Variants in TENM2 observed in about 807,000 individuals in gnomAD.
The protein encoded by TENM2 is teneurin-2.
Under a neutral mutation model 245.2 loss-of-function variants are expected in TENM2, and 52 were observed. That is an observed-to-expected ratio of 0.21 (90% confidence interval 0.17 to 0.27). TENM2 has a LOEUF of 0.27. Among genes scored for constraint, TENM2 ranks in the 10% least tolerant of loss-of-function variants. The pLI, the probability that TENM2 is intolerant of heterozygous loss-of-function variation, is 1.00. For synonymous variants in TENM2, 1,363 were observed against 1,438.9 expected (o/e 0.95, Z 1.19); for missense variants, 3,046 against 3,666.8 (o/e 0.83, Z 4.37).
intron 2 of TENM2, among the ~76,000 whole-genome samples, chr5:167,581,642 TTATCTA>T (rs1278959396): frequency 1.3e-5 from 2 of 152,168 alleles, no homozygotes; most frequent in Non-Finnish European, 2.9e-5. Context: ...GCATATATCT[TTATCTA>T]TATCTATTTC....
At chr5:167,720,878 G>A (rs1054942031) in intron 2 of TENM2, among the ~76,000 whole-genome samples, 5 of 152,186 alleles carry the variant, frequency 3.3e-5, no homozygotes, top group Non-Finnish European at 4.4e-5. Context: ...AATGTAAAAT[G>A]TATTACTCAG....
chr5:167,820,644 T>A lies in TENM2; in HGVS notation c.503-55342T>A, dbSNP rs185161528. 2.8e-4 allele frequency among the ~76,000 whole-genome samples: 43 copies of A among 152,302 alleles called. 1 individual carries two copies. Among genetic ancestry groups the A allele is most frequent in the East Asian group, 1.9e-3 (10 of 5,184 alleles). ...TTTGCGTTCCTAATCCCACAAGGAA[T>A]AGGATATCTCCGTCAAGGCCCTGAG... is the stretch of plus-strand genomic sequence containing the variant. On this transcript the variant is annotated intron_variant, in intron 2 of 28. Transcript: ENST00000518659.
chr5:167,377,640 T>C (rs1760844483), intron 2 of TENM2, among the ~76,000 whole-genome samples: 1 of 152,196 alleles, frequency 6.6e-6, no homozygotes, highest in East Asian at 1.9e-4. Flanking sequence ...CAAATACAAA[T>C]TGAAGTGTGA....
rs1779069716 is a variant in TENM2 at position 167,634,486 on chromosome 5, T to TG, written c.503-241500_503-241499insG. 2.6e-5 allele frequency among the ~76,000 whole-genome samples: 4 copies of TG among 151,856 alleles called. No individual in the cohort carries two copies. The South Asian group carries it at 6.3e-4, about 24-fold the overall frequency. On this transcript the variant is annotated intron_variant, in intron 2 of 28. Transcript: ENST00000518659. The stretch of plus-strand genomic sequence containing the variant: ...TCTGAAGAACTTAACTGATTTTTTT[T>TG]TTTTTTTTGAGAGAGAGACTCAGAA...
At position 167,795,303 on chromosome 5, in the gene TENM2, A is replaced by G. The variant is rs533694729; in HGVS notation, c.503-80683A>G. Among the ~76,000 whole-genome samples the G allele has an allele frequency of 3.9e-5, 6 of 152,336 alleles. No individual in the cohort carries two copies. In the South Asian group the frequency reaches 1.2e-3, roughly 32 times the overall value. ...ACAGGTAAGAAATAGAGATTGGTAC[A>G]GGTGGACAAATGAGGAAGCTCTTTT... On this transcript the variant is annotated intron_variant, in intron 2 of 28. Transcript: ENST00000518659.
intron 2 of TENM2, among the ~76,000 whole-genome samples, chr5:167,602,972 C>T (rs1196256265): frequency 6.6e-6 from 1 of 152,112 alleles, no homozygotes; most frequent in African/African-American, 2.4e-5. Context: ...TGGAAGAAGC[C>T]TGCCATGGGA....
intron 6 of TENM2, among the ~76,000 whole-genome samples, chr5:168,052,183 C>A (rs1789148387): frequency 6.6e-6 from 1 of 151,998 alleles, no homozygotes; most frequent in South Asian, 2.1e-4. Flanking sequence ...CTCAGGAGAT[C>A]AAGACCATCC....
At chr5:167,844,045 A>G (rs1405930351) in intron 2 of TENM2, among the ~76,000 whole-genome samples, 3 of 152,164 alleles carry the variant, frequency 2.0e-5, no homozygotes. Flanking sequence ...CATTGAAAGT[A>G]TATGTTTCCT....
chr5:168,202,384 C>T (rs549263061), intron 17 of TENM2, among the ~76,000 whole-genome samples: 21 of 152,076 alleles, frequency 1.4e-4, no homozygotes, highest in African/African-American at 4.6e-4. Context: ...CAGTATGTTT[C>T]AATCCATTGA....
chr5:166,985,426 A>G, the TENM2 span, among the ~76,000 whole-genome samples: 1 of 152,144 alleles, frequency 6.6e-6, no homozygotes, highest in Non-Finnish European at 1.5e-5. Flanking sequence ...CCCCACTGAA[A>G]CTTCTTGAGA....
chr5:167,199,646 A>G, the TENM2 span, among the ~76,000 whole-genome samples: 1 of 152,252 alleles, frequency 6.6e-6, no homozygotes, highest in South Asian at 2.1e-4. Flanking sequence ...TCTTTCCAGC[A>G]GTATCCTTCC....
chr5:167,506,715 C>G (rs895400966), intron 2 of TENM2, among the ~76,000 whole-genome samples: 5 of 152,134 alleles, frequency 3.3e-5, no homozygotes, highest in Non-Finnish European at 7.4e-5. Flanking sequence ...CTCTTTAAAA[C>G]TCTCAGTTTA....
intron 2 of TENM2, among the ~76,000 whole-genome samples, chr5:167,585,263 T>G (rs1748523373): frequency 6.6e-6 from 1 of 152,240 alleles, no homozygotes; most frequent in Admixed American, 6.5e-5. Context: ...TGTTTTCTTC[T>G]TAGTCTCTGA....
chr5:167,695,513 T>C (rs2150417427), intron 2 of TENM2, among the ~76,000 whole-genome samples: 1 of 151,878 alleles, frequency 6.6e-6, no homozygotes, highest in Non-Finnish European at 1.5e-5. Flanking sequence ...ATTGGAGGAG[T>C]CTCAGTGGGA....
intron 2 of TENM2, among the ~76,000 whole-genome samples, chr5:167,496,009 G>C (rs1768793873): frequency 6.6e-6 from 1 of 151,928 alleles, no homozygotes; most frequent in African/African-American, 2.4e-5. Flanking sequence ...CCAGAATGAA[G>C]AAAATTCCTA....
At chr5:167,431,831 T>C (rs965646091) in intron 2 of TENM2, among the ~76,000 whole-genome samples, 1 of 150,716 alleles carries the variant, frequency 6.6e-6, no homozygotes, top group African/African-American at 2.4e-5. Context: ...ATGAATAAAA[T>C]AGGAATTTTA....
At chr5:167,211,712 C>G in the TENM2 span, among the ~76,000 whole-genome samples, 1 of 151,930 alleles carries the variant, frequency 6.6e-6, no homozygotes, top group African/African-American at 2.4e-5. Context: ...AATTGGTAGC[C>G]CCAGGCATTG....
At chr5:167,078,878 C>T in the TENM2 span, among the ~76,000 whole-genome samples, 1 of 152,122 alleles carries the variant, frequency 6.6e-6, no homozygotes, top group Non-Finnish European at 1.5e-5. Flanking sequence ...CCTTTTTGTG[C>T]TTAGGATCTC....
chr5:167,440,599 T>G (rs2127458949), intron 2 of TENM2, among the ~76,000 whole-genome samples: 1 of 152,298 alleles, frequency 6.6e-6, no homozygotes, highest in Middle Eastern at 3.4e-3. Context: ...TTCAATATTG[T>G]GGTAAATATT....
Sources: gnomAD v4.1 joint callset for allele counts (sites outside exome capture counted in the v4.1 genomes callset) on GRCh38, gnomAD v4.1.1 for gene constraint, MANE v1.5 for transcripts, NCBI Gene and HGNC (gene_info 2026-07-23, HGNC 2026-07-21) for gene names.